Variants in DYSF observed in about 807,000 individuals in gnomAD.
DYSF encodes dystrophy-associated fer-1-like 1.
Under a neutral mutation model 274.9 loss-of-function variants are expected in DYSF, and 212 were observed. The ratio of observed to expected loss-of-function variants is 0.77; its 90% CI spans 0.69 to 0.86. DYSF has a LOEUF of 0.86. Among genes scored for constraint, DYSF ranks in the 40% least tolerant of loss-of-function variants. DYSF has a pLI of 0.00. For synonymous variants in DYSF, 1,091 were observed against 1,078.7 expected (o/e 1.01, Z -0.22); for missense variants, 2,666 against 2,783.2 (o/e 0.96, Z 0.95).
intron 52 of DYSF, among the ~76,000 whole-genome samples, chr2:71,676,621 T>C (rs1276822467): frequency 1.3e-5 from 2 of 151,620 alleles, no homozygotes; most frequent in Admixed American, 1.3e-4. Flanking sequence ...AATTAGTTTT[T>C]AAAAGAAAAA....
intron 3 of DYSF, among the ~76,000 whole-genome samples, chr2:71,496,912 T>G (rs866364704): frequency 1.3e-5 from 2 of 152,208 alleles, no homozygotes; most frequent in Non-Finnish European, 2.9e-5. Flanking sequence ...CATGATGCAC[T>G]CATGGGCCTC....
chr2:71,615,121 G>A lies in DYSF; in HGVS notation c.4464+1711G>A, dbSNP rs1302537180. Among the ~76,000 whole-genome samples the A allele has an allele frequency of 6.6e-6, 1 of 152,166 alleles. No homozygotes were observed. The highest frequency in any genetic ancestry group is 1.5e-5 in the Non-Finnish European group (1 of 68,028). On this transcript the variant is annotated intron_variant, in intron 40 of 55. Transcript: ENST00000410020. The surrounding 1 kb of genome is among the most constrained non-coding windows in gnomAD (Gnocchi z 4.9). ...ACTCAGATGGGGAGGGACTATTTTA[G>A]GTCCTGCTGGCCACAAGCACAGCCA...
At chr2:71,473,733 A>G (rs2082198011) in intron 1 of DYSF, among the ~76,000 whole-genome samples, 1 of 152,176 alleles carries the variant, frequency 6.6e-6, no homozygotes. Context: ...TAAAATGCAC[A>G]TAACATGAAA....
chr2:71,612,620 C>T (rs377463940), intron 38 of DYSF, 21 bp from the exon 39 acceptor site: 30 of 1,612,962 alleles, frequency 1.9e-5, no homozygotes, highest in Middle Eastern at 1.7e-4. Context: ...CAGGCCAGTG[C>T]GTTCTTCCTC....
chr2:71,555,930 G>A (rs1474906010), intron 21 of DYSF, 35 bp from the exon 22 acceptor site: 1 of 1,523,470 alleles, frequency 6.6e-7, no homozygotes, highest in Admixed American at 2.0e-5. Flanking sequence ...CTGCCCTGTG[G>A]TGACACACCT....
rs73941457 is a variant in DYSF, at chr2:71,538,194, T to A, written c.1494-963T>A. ...CTGGTAGTGCCGATGTGAGAATGAG[T>A]GAGTTAAGTCACCTGATGGTTTTAG... is the stretch of plus-strand genomic sequence containing the variant. On this transcript the variant is annotated intron_variant, in intron 16 of 55. Transcript: ENST00000410020. 5.7e-3 allele frequency among the ~76,000 whole-genome samples: 869 copies of A among 152,308 alleles called. 14 individuals carry two copies. Among genetic ancestry groups the A allele is most frequent in the African/African-American group, 0.02 (827 of 41,556 alleles).
intron 42 of DYSF, among the ~76,000 whole-genome samples, chr2:71,646,467 C>T (rs2094569320): frequency 6.6e-6 from 1 of 152,154 alleles, no homozygotes; most frequent in African/African-American, 2.4e-5. Flanking sequence ...AAAACTAGAC[C>T]TGGAAGGAAC....
At chr2:71,482,829 C>T (rs537673678) in intron 3 of DYSF, among the ~76,000 whole-genome samples, 5 of 152,168 alleles carry the variant, frequency 3.3e-5, no homozygotes, top group East Asian at 3.9e-4. Flanking sequence ...GGAGTGGGTT[C>T]GTGCTTCAAG....
At chr2:71,560,011 A>G (rs1023252093) in intron 22 of DYSF, among the ~76,000 whole-genome samples, 3 of 152,204 alleles carry the variant, frequency 2.0e-5, no homozygotes, top group Admixed American at 6.5e-5. Context: ...CTCTGCTCTC[A>G]GCCTGCTGAG....
intron 22 of DYSF, among the ~76,000 whole-genome samples, chr2:71,561,141 A>G (rs779114780): frequency 8.5e-5 from 13 of 152,112 alleles, no homozygotes; most frequent in Non-Finnish European, 8.8e-5. Context: ...CTGGCATTGC[A>G]TGTACCCCCC....
At chr2:71,475,004 T>C (rs996588622) in intron 1 of DYSF, among the ~76,000 whole-genome samples, 40 of 152,146 alleles carry the variant, frequency 2.6e-4, no homozygotes, top group Non-Finnish European at 1.0e-4. Context: ...GCAGACACTT[T>C]TATTATGATC....
At chr2:71,593,203 G>T (rs1157372982) in intron 32 of DYSF, among the ~76,000 whole-genome samples, 1 of 144,710 alleles carries the variant, frequency 6.9e-6, no homozygotes, top group Non-Finnish European at 1.5e-5. Context: ...CGCTATCTTG[G>T]CTCACTGCAA....
intron 52 of DYSF, among the ~76,000 whole-genome samples, chr2:71,676,639 A>C (rs1289987369): frequency 6.6e-6 from 1 of 152,130 alleles, no homozygotes; most frequent in Non-Finnish European, 1.5e-5. Context: ...AAACAAAAAA[A>C]AAACCCTGTG....
chr2:71,617,628 A>ATATGTGTGGCAGAGGTGGTG (rs2093917393), intron 40 of DYSF, among the ~76,000 whole-genome samples: 1 of 55,360 alleles, frequency 1.8e-5, no homozygotes, highest in East Asian at 6.5e-4. Context: ...GGTAGAGGTG[A>ATATGTGTGGCAGAGGTGGTG]TGTGTGTGGC....
intron 30 of DYSF, among the ~76,000 whole-genome samples, chr2:71,578,891 C>A (rs952376019): frequency 1.3e-5 from 2 of 152,220 alleles, no homozygotes; most frequent in Non-Finnish European, 2.9e-5. Flanking sequence ...TTCCACGGAG[C>A]GGGAGGCCCT....
In DYSF at chr2:71,547,143, T is replaced by C. The variant is rs534536653; in HGVS notation, c.1577-3898T>C. Among the ~76,000 whole-genome samples the C allele has an allele frequency of 1.1e-4, 16 of 152,346 alleles. No individual in the cohort carries two copies. In the South Asian group the frequency reaches 1.4e-3, roughly 14 times the overall value. On this transcript the variant is annotated intron_variant, in intron 17 of 55. Transcript: ENST00000410020. ...ATGTGGACTAAATAGAGGCTTTGTC[T>C]TGGGTGGCTTCACTGGTCACTGTGC...
At chr2:71,589,015 A>G (rs2093164737) in intron 30 of DYSF, among the ~76,000 whole-genome samples, 1 of 152,092 alleles carries the variant, frequency 6.6e-6, no homozygotes, top group Non-Finnish European at 1.5e-5. Context: ...AGCTTTATAC[A>G]CAGTAAACAG....
In DYSF at chr2:71,659,962, C is replaced by G. The variant is rs575880198; in HGVS notation, c.4912-598C>G. On this transcript the variant is annotated intron_variant, in intron 44 of 55. Coordinates refer to ENST00000410020, the MANE Select transcript of DYSF (RefSeq NM_001130987.2). Reference sequence around the variant, plus strand: ...CTGGTATCCCACCCTGTAGCCTCACCTTTCAAGGGACAGAATGGAGCAGTT... The same window carrying G: ...CTGGTATCCCACCCTGTAGCCTCACGTTTCAAGGGACAGAATGGAGCAGTT... 2.6e-5 allele frequency among the ~76,000 whole-genome samples: 4 copies of G among 152,366 alleles called. No individual in the cohort carries two copies. The South Asian group carries it at 8.3e-4, about 32-fold the overall frequency.
At chr2:71,554,297 T>G (rs2152793481) in intron 21 of DYSF, among the ~76,000 whole-genome samples, 1 of 152,322 alleles carries the variant, frequency 6.6e-6, no homozygotes, top group South Asian at 2.1e-4. Context: ...TGCTAGAAAC[T>G]TCTAGCCAGA....
Sources: allele counts gnomAD v4.1 joint callset (sites outside exome capture counted in the v4.1 genomes callset), GRCh38; gene constraint gnomAD v4.1.1; non-coding constraint Gnocchi (gnomAD v3.1); transcripts MANE v1.5; gene names NCBI Gene and HGNC (gene_info 2026-07-23, HGNC 2026-07-21).